The following CREB3L2 variants were observed in gnomAD, a reference collection of about 807,000 sequenced individuals.
CREB3L2 encodes cyclic AMP-responsive element-binding protein 3-like protein 2.
CREB3L2 carries 23 observed loss-of-function variants against 57.2 expected under a neutral mutation model. The observed-to-expected ratio is 0.40, with a 90% confidence interval of 0.29 to 0.57. The LOEUF is 0.57. CREB3L2 is among the 20% of genes least tolerant of loss of function. The probability of loss-of-function intolerance (pLI) is 0.42; values close to 1 mark genes in which losing one functional copy is unlikely to be tolerated. For synonymous variants in CREB3L2, 268 were observed against 265.1 expected (o/e 1.01, Z -0.11); for missense variants, 628 against 634.7 (o/e 0.99, Z 0.11).
chr7:137,974,107 G>C (rs112606394), intron 1 of CREB3L2, among the ~76,000 whole-genome samples: 6 of 151,846 alleles, frequency 4.0e-5, no homozygotes, highest in African/African-American at 1.5e-4. Flanking sequence ...AAAAATACTT[G>C]TCCTACCTAC....
intron 1 of CREB3L2, among the ~76,000 whole-genome samples, chr7:137,945,190 C>T (rs1219963175): frequency 6.6e-6 from 1 of 152,180 alleles, no homozygotes; most frequent in East Asian, 1.9e-4. Context: ...CCACCACGCC[C>T]AGCCAAATTT....
Position 137,889,093 on chromosome 7 carries a change from TA to T in CREB3L2, c.1044-3592del, listed in dbSNP as rs544989061. Among the ~76,000 whole-genome samples the T allele has an allele frequency of 2.3e-3, 350 of 150,350 alleles. 5 individuals are homozygous for T. The highest frequency in any genetic ancestry group is 0.018 in the South Asian group (84 of 4,716). On this transcript the variant is annotated intron_variant, in intron 8 of 11. Transcript: ENST00000330387. ...CTAGTCCTTAGAGCATGAATAGCTT[TA>T]AAAAAAAAATCCACACAAGGAATCA... is the stretch of plus-strand genomic sequence containing the variant.
chr7:137,920,239 T>C (rs980804002), intron 2 of CREB3L2, among the ~76,000 whole-genome samples: 3 of 152,206 alleles, frequency 2.0e-5, no homozygotes, highest in Non-Finnish European at 4.4e-5. Context: ...ACCATTGGTA[T>C]GTGAGCTTTT....
intron 1 of CREB3L2, among the ~76,000 whole-genome samples, chr7:137,948,513 C>T (rs778803445): frequency 2.0e-5 from 3 of 152,172 alleles, no homozygotes; most frequent in South Asian, 2.1e-4. Context: ...CATGTCCCTA[C>T]TAAATTTCTC....
intron 1 of CREB3L2, among the ~76,000 whole-genome samples, chr7:137,984,004 G>A (rs929029755): frequency 6.6e-6 from 1 of 152,200 alleles, no homozygotes; most frequent in Admixed American, 6.5e-5. Flanking sequence ...TGGGGATCAG[G>A]GGATGAGCAG....
chr7:137,935,951 T>TAA lies in CREB3L2; in HGVS notation c.103-7586_103-7585insTT, dbSNP rs1014239047. 70 of 979,662 alleles carry TAA rather than the reference T, an allele frequency of 7.1e-5. No homozygotes were observed. In the African/African-American group the frequency reaches 1.2e-3, roughly 17 times the overall value. 60.7% of individuals were successfully genotyped at this position (979,662 alleles called of 1,614,324 possible). On this transcript the variant is annotated intron_variant, in intron 1 of 11. Transcript: ENST00000330387. ...TAGCTTGCAAGGAAGGAGTGGTTTA[T>TAA]GATCTGGGCCACTTCCTGCTGCTAA...
chr7:137,938,453 C>A (rs1800829891), intron 1 of CREB3L2, among the ~76,000 whole-genome samples: 1 of 152,058 alleles, frequency 6.6e-6, no homozygotes, highest in Non-Finnish European at 1.5e-5. Context: ...TCAAGCGATT[C>A]TCTTGCCTCA....
At chr7:137,928,704 G>A (rs1585634988) in intron 1 of CREB3L2, among the ~76,000 whole-genome samples, 1 of 152,196 alleles carries the variant, frequency 6.6e-6, no homozygotes, top group African/African-American at 2.4e-5. Flanking sequence ...CAAAAGGAAA[G>A]ATCAGGCCGG....
intron 1 of CREB3L2, among the ~76,000 whole-genome samples, chr7:137,950,822 C>T (rs559338498): frequency 6.6e-6 from 1 of 152,314 alleles, no homozygotes; most frequent in South Asian, 2.1e-4. Flanking sequence ...TTTCTCCACT[C>T]CAGTAATTCA....
intron 1 of CREB3L2, among the ~76,000 whole-genome samples, chr7:137,989,066 T>C (rs1410611492): frequency 6.6e-6 from 1 of 152,212 alleles, no homozygotes; most frequent in Admixed American, 6.5e-5. Context: ...GAACCAGTGA[T>C]GGTCTCCAAT....
intron 2 of CREB3L2, 152 bp from the exon 3 acceptor site, chr7:137,916,164 T>A: frequency 3.4e-6 from 2 of 586,354 alleles, no homozygotes; most frequent in East Asian, 3.0e-5. Context: ...GGGAAAAGAT[T>A]GATAGATATG....
intron 10 of CREB3L2, 76 bp downstream of exon 10, chr7:137,884,919 C>T (rs1449713156): frequency 1.3e-6 from 2 of 1,563,216 alleles, no homozygotes; most frequent in Non-Finnish European, 1.8e-6. Flanking sequence ...ACAGAAGATT[C>T]CTTTTGGAAG....
intron 8 of CREB3L2, among the ~76,000 whole-genome samples, chr7:137,895,710 T>G (rs1799616424): frequency 6.7e-6 from 1 of 149,836 alleles, no homozygotes; most frequent in Non-Finnish European, 1.5e-5. Context: ...TTCATCTGGG[T>G]AGATGCGAAA....
At chr7:137,990,829 C>A (rs947250983) in intron 1 of CREB3L2, among the ~76,000 whole-genome samples, 1 of 152,154 alleles carries the variant, frequency 6.6e-6, no homozygotes, top group African/African-American at 2.4e-5. Context: ...ACTATTCAGA[C>A]ATTTCCAAGA....
At chr7:137,965,506 T>C (rs567889567) in intron 1 of CREB3L2, among the ~76,000 whole-genome samples, 1 of 152,334 alleles carries the variant, frequency 6.6e-6, no homozygotes, top group South Asian at 2.1e-4. Context: ...AATATTAAAA[T>C]GTTAATAGAA....
intron 4 of CREB3L2, 33 bp downstream of exon 4, chr7:137,912,958 T>C (rs766484073): frequency 1.9e-6 from 3 of 1,611,958 alleles, no homozygotes; most frequent in Admixed American, 3.3e-5. Context: ...ACCATATCCA[T>C]AACCCAAAGG....
At chr7:137,992,619 A>G (rs1358037635) in intron 1 of CREB3L2, among the ~76,000 whole-genome samples, 1 of 152,236 alleles carries the variant, frequency 6.6e-6, no homozygotes, top group Non-Finnish European at 1.5e-5. Context: ...TAAAAAACTG[A>G]GAACCAGATG....
chr7:137,994,390 C>A (rs1452258177), intron 1 of CREB3L2, among the ~76,000 whole-genome samples: 1 of 152,188 alleles, frequency 6.6e-6, no homozygotes, highest in African/African-American at 2.4e-5. Context: ...CGATCCCAAA[C>A]AGAACAAATC....
chr7:137,921,182 T>C (rs1440846762), intron 2 of CREB3L2, among the ~76,000 whole-genome samples: 1 of 152,250 alleles, frequency 6.6e-6, no homozygotes, highest in Non-Finnish European at 1.5e-5. Flanking sequence ...AAAATGTTCT[T>C]TCCGCATTGT....
Sources: gnomAD v4.1 joint callset for allele counts (sites outside exome capture counted in the v4.1 genomes callset) on GRCh38, gnomAD v4.1.1 for gene constraint, MANE v1.5 for transcripts, NCBI Gene and HGNC (gene_info 2026-07-23, HGNC 2026-07-21) for gene names.